The following AP2A2 variants were observed in gnomAD, a reference collection of about 807,000 sequenced individuals.
The protein encoded by AP2A2 is adaptor related protein complex 2 subunit alpha 2.
A neutral mutation model predicts 104.2 loss-of-function variants in AP2A2; 32 were observed. That is an observed-to-expected ratio of 0.31 (90% CI 0.23 to 0.41). The LOEUF (loss-of-function observed/expected upper bound fraction) is 0.41, where lower values mean the gene tolerates loss of function less well. Among genes scored for constraint, AP2A2 ranks in the 10% least tolerant of loss-of-function variants. AP2A2 has a pLI of 1.00. For missense variants in AP2A2, 912 were observed against 1,261.0 expected (o/e 0.72, Z 4.19); for synonymous variants, 539 against 533.3 (o/e 1.01, Z -0.15).
In AP2A2 at chr11:968,363, T is replaced by C. The variant is rs1406486738; in HGVS notation, c.137-1806T>C. On this transcript the variant is annotated intron_variant, in intron 2 of 21. Transcript: ENST00000448903. The surrounding 1 kb of genome is among the most constrained non-coding windows in gnomAD (Gnocchi z 4.2). ...GGGAGCTCTAGAGCAGCTCTTCGTC[T>C]GGGGTCCCGCGGGAGCAGAGGCTGG... is the stretch of plus-strand genomic sequence containing the variant. Among the ~76,000 whole-genome samples the C allele has an allele frequency of 6.6e-6, 1 of 152,018 alleles. No individual in the cohort carries two copies. Among genetic ancestry groups the C allele is most frequent in the Non-Finnish European group, 1.5e-5 (1 of 67,972 alleles).
In AP2A2 at chr11:925,889, C is replaced by CTGAGGCGGCCGTGG; in HGVS notation, c.-131_-118dup. ...CGGCCCAGAAAGCGGCGCTGGGACC[C>CTGAGGCGGCCGTGG]TGAGGCGGCCGTGGTTAGGCGGCTC... On this transcript the variant is annotated 5_prime_UTR_variant, in exon 1 of 22. Transcript: ENST00000448903. 1 of 594,992 alleles carries CTGAGGCGGCCGTGG rather than the reference C, an allele frequency of 1.7e-6. No individual in the cohort carries two copies. The highest frequency in any genetic ancestry group is 2.5e-6 in the Non-Finnish European group (1 of 403,598). 36.9% of individuals were successfully genotyped at this position (594,992 alleles called of 1,614,324 possible). A position where few individuals can be genotyped will look rare whatever the true frequency, so the allele number is the denominator to read the frequency against.
chr11:952,484 C>CTTGCTT (rs1397305806), intron 1 of AP2A2, among the ~76,000 whole-genome samples: 2 of 152,216 alleles, frequency 1.3e-5, no homozygotes, highest in Non-Finnish European at 2.9e-5. Flanking sequence ...CAAATTGTAA[C>CTTGCTT]TTGCTTTTGC....
chr11:937,752 C>T lies in AP2A2; in HGVS notation c.67+11664C>T, dbSNP rs187149389. On this transcript the variant is annotated intron_variant, in intron 1 of 21. Coordinates refer to ENST00000448903, the MANE Select transcript of AP2A2 (RefSeq NM_012305.4). ...ACAAGGTGATTGGGCACTTGATGTA[C>T]GATTTCTACTGAGTGCGTGTTGCTT... is the stretch of plus-strand genomic sequence containing the variant. Among the ~76,000 whole-genome samples the T allele has an allele frequency of 3.5e-4, 53 of 152,342 alleles. 1 individual carries two copies. In the East Asian group the frequency reaches 7.3e-3, roughly 21 times the overall value.
intron 15 of AP2A2, among the ~76,000 whole-genome samples, chr11:1,003,327 C>G (rs1254102175): frequency 6.6e-6 from 1 of 152,208 alleles, no homozygotes; most frequent in Non-Finnish European, 1.5e-5. Flanking sequence ...CAGCCAGGCT[C>G]TGATGGCGAG....
At chr11:970,066 G>A in intron 2 of AP2A2, 103 bp from the exon 3 acceptor site, 1 of 1,316,902 alleles carries the variant, frequency 7.6e-7, no homozygotes, top group Non-Finnish European at 1.1e-6. Context: ...TCTCCTGGAG[G>A]CTTGTCCGTG....
At chr11:964,867 A>G (rs7396338) in intron 2 of AP2A2, among the ~76,000 whole-genome samples, 6,535 of 87,258 alleles carry the variant, frequency 0.075, 180 homozygotes, top group Admixed American at 0.13. Flanking sequence ...AAGCGTGGAG[A>G]TGGAAAGCAT....
Position 981,140 on chromosome 11 carries a change from G to A in AP2A2, c.604-58G>A, listed in dbSNP as rs1367688749. The stretch of plus-strand genomic sequence containing the variant: ...GTTTAAGGTTTTCTTTGGAAGATGA[G>A]TGAACACAAGTGGTTAGCTTCAAGT... On this transcript the variant is annotated intron_variant, in intron 5 of 21. Transcript: ENST00000448903. The A allele has an allele frequency of 2.1e-6, 3 of 1,442,928 alleles. No individual in the cohort carries two copies. The South Asian group carries it at 3.8e-5, about 19-fold the overall frequency. 89.4% of individuals were successfully genotyped at this position (1,442,928 alleles called of 1,614,324 possible). A position where few individuals can be genotyped will look rare whatever the true frequency, so the allele number is the denominator to read the frequency against.
At chr11:988,027 T>G (rs565242982) in intron 9 of AP2A2, among the ~76,000 whole-genome samples, 24 of 152,372 alleles carry the variant, frequency 1.6e-4, no homozygotes, top group Middle Eastern at 3.4e-3. Flanking sequence ...TGGACACTCA[T>G]TTGCACACGG....
chr11:987,371 C>T (rs1483210897), intron 9 of AP2A2, among the ~76,000 whole-genome samples: 6 of 152,248 alleles, frequency 3.9e-5, no homozygotes, highest in East Asian at 1.9e-4. Flanking sequence ...GAGTTGGGGC[C>T]GGGCGCGGTG....
rs1255399692 is a variant in AP2A2 at position 946,055 on chromosome 11, G to A, written c.68-13382G>A. Among the ~76,000 whole-genome samples the A allele has an allele frequency of 3.3e-5, 5 of 152,302 alleles. No homozygotes were observed. In the East Asian group the frequency reaches 7.7e-4, roughly 24 times the overall value. On this transcript the variant is annotated intron_variant, in intron 1 of 21. Coordinates refer to ENST00000448903, the MANE Select transcript of AP2A2 (RefSeq NM_012305.4). Reference sequence around the variant, plus strand: ...CCACTTAGCCGGAATGGTGGAGTGAGGCCTCTGTAATCCAATCCTCCATAA... The same window carrying A: ...CCACTTAGCCGGAATGGTGGAGTGAAGCCTCTGTAATCCAATCCTCCATAA...
intron 6 of AP2A2, among the ~76,000 whole-genome samples, chr11:982,396 A>G (rs886491409): frequency 1.1e-4 from 17 of 152,156 alleles, no homozygotes; most frequent in Admixed American, 2.6e-4. Flanking sequence ...AATGAGGTTG[A>G]GCAACTTTGC....
chr11:957,679 T>A (rs2134554869), intron 1 of AP2A2, among the ~76,000 whole-genome samples: 1 of 152,362 alleles, frequency 6.6e-6, no homozygotes, highest in East Asian at 1.9e-4. Flanking sequence ...ATTATGCAAG[T>A]GGACTTGTCA....
chr11:980,836 C>G (rs1481000549), intron 5 of AP2A2, among the ~76,000 whole-genome samples: 1 of 152,244 alleles, frequency 6.6e-6, no homozygotes, highest in African/African-American at 2.4e-5. Context: ...CGTTATTAAA[C>G]CAGAGGCAGC....
chr11:933,638 A>G (rs1404165510), intron 1 of AP2A2: 6 of 456,062 alleles, frequency 1.3e-5, no homozygotes, highest in African/African-American at 1.0e-4. Context: ...CGCCCTGGAG[A>G]CTTGAATTGG....
chr11:944,863 A>C (rs1853780756), intron 1 of AP2A2, among the ~76,000 whole-genome samples: 1 of 102,388 alleles, frequency 9.8e-6, no homozygotes, highest in Non-Finnish European at 1.9e-5. Context: ...CTGGGTGGAA[A>C]GGCAGTAGGG....
chr11:948,175 G>C (rs918476997), intron 1 of AP2A2, among the ~76,000 whole-genome samples: 3 of 152,110 alleles, frequency 2.0e-5, no homozygotes, highest in Admixed American at 2.0e-4. Context: ...GCAAAGATTG[G>C]TTATTTGAAA....
intron 2 of AP2A2, among the ~76,000 whole-genome samples, chr11:965,229 C>T (rs1854569583): frequency 7.0e-6 from 1 of 142,410 alleles, no homozygotes; most frequent in Non-Finnish European, 1.5e-5. Flanking sequence ...AGGTGGAAAG[C>T]ATGGAACGGG....
At chr11:939,079 T>G (rs548777301) in intron 1 of AP2A2, among the ~76,000 whole-genome samples, 2 of 151,758 alleles carry the variant, frequency 1.3e-5, no homozygotes, top group Non-Finnish European at 2.9e-5. Context: ...TGAAACCCTG[T>G]CTCTACTAAA....
At chr11:985,316 C>A in intron 7 of AP2A2, 119 bp from the exon 8 acceptor site, 1 of 1,329,090 alleles carries the variant, frequency 7.5e-7, no homozygotes, top group Non-Finnish European at 1.0e-6. Context: ...CAGCTGGGTA[C>A]ACAAATGTGA....
Sources: gnomAD v4.1 joint callset for allele counts (sites outside exome capture counted in the v4.1 genomes callset) on GRCh38, gnomAD v4.1.1 for gene constraint, Gnocchi (gnomAD v3.1) non-coding constraint, MANE v1.5 for transcripts, NCBI Gene and HGNC (gene_info 2026-07-23, HGNC 2026-07-21) for gene names.